Variants in RGS6 observed in about 807,000 individuals in gnomAD.
The protein encoded by RGS6 is regulator of G-protein signaling 6.
In RGS6, 30 loss-of-function variants were observed where a neutral mutation model predicts 78.5. The observed-to-expected ratio is 0.38, with a 90% CI of 0.29 to 0.52. The LOEUF (loss-of-function observed/expected upper bound fraction) is 0.52, where lower values mean the gene tolerates loss of function less well. Among genes scored for constraint, RGS6 ranks in the 20% least tolerant of loss-of-function variants. RGS6 has a pLI of 0.85. For synonymous variants in RGS6, 206 were observed against 206.0 expected, an observed-to-expected ratio of 1.00 and a Z score of 0.00; for missense variants, 495 against 609.7, an observed-to-expected ratio of 0.81 and a Z score of 1.98.
intron 17 of RGS6, chr14:72,553,296 T>C (rs1208902147): frequency 2.0e-5 from 3 of 152,688 alleles, no homozygotes; most frequent in Non-Finnish European, 4.4e-5. Flanking sequence ...CTAGTGCTGC[T>C]GGCGCAGAGT....
At chr14:71,992,399 A>G (rs1203279034) in intron 2 of RGS6, among the ~76,000 whole-genome samples, 1 of 152,214 alleles carries the variant, frequency 6.6e-6, no homozygotes, top group Non-Finnish European at 1.5e-5. Flanking sequence ...TTAACCAGTC[A>G]GAGTAATAGC....
chr14:72,408,368 A>G (rs1566762832), intron 3 of RGS6, among the ~76,000 whole-genome samples: 1 of 152,222 alleles, frequency 6.6e-6, no homozygotes, highest in Non-Finnish European at 1.5e-5. Flanking sequence ...ATAATAATGT[A>G]CAGATAAACC....
chr14:71,878,614 C>G, the RGS6 span, among the ~76,000 whole-genome samples: 1 of 152,214 alleles, frequency 6.6e-6, no homozygotes, highest in Non-Finnish European at 1.5e-5. Context: ...AGGGAATTCC[C>G]TGACCCCTTG....
chr14:72,427,083 T>G (rs2094459900), intron 3 of RGS6, among the ~76,000 whole-genome samples: 1 of 152,236 alleles, frequency 6.6e-6, no homozygotes, highest in Non-Finnish European at 1.5e-5. Context: ...CCTAATTTGC[T>G]GGCCATGTGA....
intron 2 of RGS6, among the ~76,000 whole-genome samples, chr14:72,059,626 G>A (rs1043438696): frequency 1.1e-4 from 17 of 152,172 alleles, no homozygotes; most frequent in African/African-American, 4.1e-4. Flanking sequence ...ATGCCTGTGA[G>A]CCCTAGGTTC....
At chr14:72,580,840 C>A in the RGS6 span, among the ~76,000 whole-genome samples, 8 of 152,202 alleles carry the variant, frequency 5.3e-5, no homozygotes, top group African/African-American at 1.2e-4. Context: ...CAGGAGTGAG[C>A]AGGGTCTGCC....
At chr14:71,909,616 G>A in the RGS6 span, among the ~76,000 whole-genome samples, 2 of 44,412 alleles carry the variant, frequency 4.5e-5, no homozygotes, top group Non-Finnish European at 1.1e-4. Context: ...AGAAAGGAGA[G>A]AGAGGGGGGA....
chr14:72,466,416 C>G (rs999360364), intron 7 of RGS6, among the ~76,000 whole-genome samples: 1 of 152,216 alleles, frequency 6.6e-6, no homozygotes. Context: ...CTCATGTTCA[C>G]ACAAACACCT....
At chr14:72,372,561 C>T (rs1242841617) in intron 3 of RGS6, among the ~76,000 whole-genome samples, 1 of 152,202 alleles carries the variant, frequency 6.6e-6, no homozygotes, top group South Asian at 2.1e-4. Context: ...TGTCTAAAAC[C>T]TCCCACATTT....
At chr14:72,353,467 A>T (rs2079537685) in intron 3 of RGS6, among the ~76,000 whole-genome samples, 1 of 152,326 alleles carries the variant, frequency 6.6e-6, no homozygotes, top group African/African-American at 2.4e-5. Flanking sequence ...AAGCAGTCTC[A>T]AAGGTTACAT....
At chr14:72,120,466 T>C (rs2096019012) in intron 2 of RGS6, among the ~76,000 whole-genome samples, 1 of 152,190 alleles carries the variant, frequency 6.6e-6, no homozygotes, top group Admixed American at 6.5e-5. Flanking sequence ...ACCTGCCGTT[T>C]TAAAGATGAG....
intron 2 of RGS6, among the ~76,000 whole-genome samples, chr14:72,336,916 T>TC (rs2076133727): frequency 6.6e-6 from 1 of 152,088 alleles, no homozygotes; most frequent in African/African-American, 2.4e-5. Flanking sequence ...TGTCTAAATT[T>TC]CCCCTTTTTA....
rs574176971 is a variant in RGS6 at position 72,487,398 on chromosome 14, A to G, written c.855-7754A>G. Among the ~76,000 whole-genome samples the G allele has an allele frequency of 4.6e-5, 7 of 152,350 alleles. No individual in the cohort carries two copies. The East Asian group carries it at 1.2e-3, about 25-fold the overall frequency. ...GAATAATGATCTCTCAAAGATGTCC[A>G]TGTTCTAATCCCCAGAACCTGTGAA... On this transcript the variant is annotated intron_variant, in intron 12 of 17. Coordinates refer to ENST00000553525, the MANE Select transcript of RGS6 (RefSeq NM_001204424.2).
At chr14:72,591,031 G>T in the RGS6 span, among the ~76,000 whole-genome samples, 15 of 152,024 alleles carry the variant, frequency 9.9e-5, no homozygotes, top group African/African-American at 3.6e-4. Context: ...TGGTGTATGG[G>T]TACCAGTATT....
At chr14:72,385,539 T>G (rs946034590) in intron 3 of RGS6, among the ~76,000 whole-genome samples, 1 of 152,218 alleles carries the variant, frequency 6.6e-6, no homozygotes, top group African/African-American at 2.4e-5. Flanking sequence ...CAGTTCTGAA[T>G]GCCTGTTTTC....
chr14:72,258,023 T>A (rs1168323754), intron 2 of RGS6, among the ~76,000 whole-genome samples: 1 of 152,210 alleles, frequency 6.6e-6, no homozygotes, highest in Non-Finnish European at 1.5e-5. Context: ...TTAATCCAAA[T>A]ACATTGGAAC....
At chr14:72,375,018 A>G (rs1257550254) in intron 3 of RGS6, among the ~76,000 whole-genome samples, 1 of 152,236 alleles carries the variant, frequency 6.6e-6, no homozygotes, top group East Asian at 1.9e-4. Context: ...CTAAACAAAG[A>G]GTTGATAAAC....
intron 2 of RGS6, among the ~76,000 whole-genome samples, chr14:72,293,433 C>T (rs1217084539): frequency 2.6e-5 from 4 of 152,086 alleles, no homozygotes; most frequent in African/African-American, 4.8e-5. Context: ...AAAAGTTCTT[C>T]GGATGGGCTA....
chr14:72,228,151 G>C (rs1275116150), intron 2 of RGS6, among the ~76,000 whole-genome samples: 1 of 152,112 alleles, frequency 6.6e-6, no homozygotes, highest in East Asian at 1.9e-4. Flanking sequence ...GGCCGAGGTG[G>C]GTAGATAACT....
Sources: gnomAD v4.1 joint callset for allele counts (sites outside exome capture counted in the v4.1 genomes callset) on GRCh38, gnomAD v4.1.1 for gene constraint, MANE v1.5 for transcripts, NCBI Gene and HGNC (gene_info 2026-07-23, HGNC 2026-07-21) for gene names.